TMEM132B: variants seen among roughly 807,000 people sequenced by gnomAD.
The protein encoded by TMEM132B is transmembrane protein 132B.
TMEM132B carries 18 observed loss-of-function variants against 90.8 expected under a neutral mutation model. That is an observed-to-expected ratio of 0.20 (90% CI 0.14 to 0.29). The LOEUF (loss-of-function observed/expected upper bound fraction) is 0.29. TMEM132B is among the 10% of genes least tolerant of loss of function. The probability of loss-of-function intolerance (pLI) is 1.00; values close to 1 mark genes in which losing one functional copy is unlikely to be tolerated. For synonymous variants in TMEM132B, 504 were observed against 523.3 expected, an observed-to-expected ratio of 0.96 and a Z score of 0.50; for missense variants, 1,096 against 1,326.8, an observed-to-expected ratio of 0.83 and a Z score of 2.70.
At chr12:125,648,525 C>A (rs1301074003) in intron 6 of TMEM132B, among the ~76,000 whole-genome samples, 1 of 134,182 alleles carries the variant, frequency 7.5e-6, no homozygotes, top group Non-Finnish European at 1.5e-5. Context: ...TGTATAAGAT[C>A]TCCTGTTTTT....
intron 3 of TMEM132B, among the ~76,000 whole-genome samples, chr12:125,419,330 G>A (rs915393655): frequency 1.3e-5 from 2 of 152,224 alleles, no homozygotes; most frequent in Non-Finnish European, 2.9e-5. Context: ...ATGGAGGAAA[G>A]AGGTTTCATT....
chr12:125,566,835 CTTTTTTTTTTTTTTT>C (rs869196346), intron 4 of TMEM132B, among the ~76,000 whole-genome samples: 2 of 78,738 alleles, frequency 2.5e-5, no homozygotes, highest in African/African-American at 6.1e-5. Context: ...TCTTCTTCTT[CTTTTTTTTTTTTTTT>C]TTTTTTTTTT....
chr12:125,341,409 G>A (rs1422061088), intron 1 of TMEM132B, among the ~76,000 whole-genome samples: 2 of 152,172 alleles, frequency 1.3e-5, no homozygotes, highest in African/African-American at 2.4e-5. Flanking sequence ...TGATGATAAC[G>A]ATTTTAATAC....
At chr12:125,516,852 G>A (rs1883173964) in intron 3 of TMEM132B, among the ~76,000 whole-genome samples, 1 of 152,210 alleles carries the variant, frequency 6.6e-6, no homozygotes, top group Non-Finnish European at 1.5e-5. Flanking sequence ...AAGAGAAATT[G>A]AAAATTTGGT....
chr12:125,307,420 C>T (rs1363440966), intron 1 of TMEM132B, among the ~76,000 whole-genome samples: 1 of 152,110 alleles, frequency 6.6e-6, no homozygotes, highest in African/African-American at 2.4e-5. Context: ...TTTTCTTAAC[C>T]TCTCTGTACT....
At chr12:125,305,814 CTGGCTGACGT>C (rs1875943657) in intron 1 of TMEM132B, among the ~76,000 whole-genome samples, 1 of 152,172 alleles carries the variant, frequency 6.6e-6, no homozygotes, top group Non-Finnish European at 1.5e-5. Flanking sequence ...TGCTTCCCAC[CTGGCTGACGT>C]TGAGTTTCCA....
At chr12:125,360,741 G>A (rs1423088161) in intron 2 of TMEM132B, among the ~76,000 whole-genome samples, 6 of 151,934 alleles carry the variant, frequency 3.9e-5, no homozygotes, top group Non-Finnish European at 5.9e-5. Flanking sequence ...GGCTGTGGAC[G>A]ATGGGCAGGT....
At chr12:125,372,596 T>C (rs1195114304) in intron 2 of TMEM132B, among the ~76,000 whole-genome samples, 1 of 152,188 alleles carries the variant, frequency 6.6e-6, no homozygotes. Context: ...GACACCCATT[T>C]TGCACTAGTT....
chr12:125,598,841 G>A (rs1472500789), intron 5 of TMEM132B, among the ~76,000 whole-genome samples: 1 of 152,120 alleles, frequency 6.6e-6, no homozygotes, highest in Non-Finnish European at 1.5e-5. Context: ...TAATAGAGGG[G>A]GTGTGCTGGT....
chr12:125,349,858 G>T lies in TMEM132B; in HGVS notation c.474G>T (p.Thr158=). Residue 158 remains threonine, a synonymous_variant, in exon 2 of 9, where the codon ACG becomes ACT. Transcript: ENST00000682704. This position sits in a 1 kb window ranked among gnomAD's most constrained non-coding sequence, Gnocchi z 4.1. ...TGMGWDDSDL[T]EDLPCVKMFA... is the part of the protein sequence containing the mutation. ...TGGGCTGGGATGACAGTGACCTTAC[G>T]GAAGATCTACCCTGTGTCAAGATGT... 6.2e-7 allele frequency: 1 copy of T among 1,613,868 alleles called. No individual in the cohort carries two copies. The highest frequency in any genetic ancestry group is 8.5e-7 in the Non-Finnish European group (1 of 1,179,936).
intron 1 of TMEM132B, among the ~76,000 whole-genome samples, chr12:125,202,350 C>T (rs1873081258): frequency 6.6e-6 from 1 of 152,242 alleles, no homozygotes; most frequent in Non-Finnish European, 1.5e-5. Flanking sequence ...GGCCAGGAAT[C>T]CAGGGACAGC....
intron 3 of TMEM132B, among the ~76,000 whole-genome samples, chr12:125,422,863 G>A (rs1271919424): frequency 1.3e-5 from 2 of 152,156 alleles, no homozygotes; most frequent in African/African-American, 2.4e-5. Flanking sequence ...TTGGATCTCT[G>A]GCTGCCAGAA....
At chr12:125,574,928 G>A (rs1884898700) in intron 4 of TMEM132B, among the ~76,000 whole-genome samples, 1 of 150,502 alleles carries the variant, frequency 6.6e-6, no homozygotes, top group African/African-American at 2.4e-5. Context: ...AGAATAACAT[G>A]GAATCTTTTG....
intron 5 of TMEM132B, among the ~76,000 whole-genome samples, chr12:125,637,680 C>G (rs554596107): frequency 2.0e-5 from 3 of 152,164 alleles, no homozygotes; most frequent in South Asian, 4.2e-4. Flanking sequence ...GGGAAAAGAG[C>G]CTGGGGTAAC....
chr12:125,310,109 G>A (rs1876088373), intron 1 of TMEM132B, among the ~76,000 whole-genome samples: 1 of 152,158 alleles, frequency 6.6e-6, no homozygotes, highest in Non-Finnish European at 1.5e-5. Context: ...TGCCTCACAA[G>A]GCCCATGGAG....
At chr12:125,366,849 C>T (rs1255963518) in intron 2 of TMEM132B, among the ~76,000 whole-genome samples, 1 of 152,156 alleles carries the variant, frequency 6.6e-6, no homozygotes, top group East Asian at 1.9e-4. Context: ...AGTCTCTGTT[C>T]ATTTTCTTCA....
intron 2 of TMEM132B, among the ~76,000 whole-genome samples, chr12:125,369,363 T>C (rs144071599): frequency 1.3e-5 from 2 of 152,226 alleles, no homozygotes. Flanking sequence ...GCAGCATGAT[T>C]TATAATCCTT....
At position 125,635,576 on chromosome 12, in the gene TMEM132B, A is replaced by G. The variant is rs566101703; in HGVS notation, c.1438-8500A>G. ...TTTGGGTTGGTTCCAAGTCTTTGCT[A>G]TTGTGAACAGTGCCACAGTAAACAC... is the stretch of plus-strand genomic sequence containing the variant. On this transcript the variant is annotated intron_variant, in intron 5 of 8. Transcript: ENST00000682704. 9.9e-5 allele frequency among the ~76,000 whole-genome samples: 15 copies of G among 152,274 alleles called. No homozygotes were observed. In the South Asian group the frequency reaches 2.9e-3, roughly 29 times the overall value.
At chr12:125,588,452 C>G (rs926162771) in intron 5 of TMEM132B, 5 of 152,244 alleles carry the variant, frequency 3.3e-5, no homozygotes, top group African/African-American at 1.2e-4. Context: ...ACCTCAGCCT[C>G]CCAAGCAGCT....
Sources: allele counts gnomAD v4.1 joint callset (sites outside exome capture counted in the v4.1 genomes callset), GRCh38; gene constraint gnomAD v4.1.1; non-coding constraint Gnocchi (gnomAD v3.1); transcripts MANE v1.5; gene names NCBI Gene and HGNC (gene_info 2026-07-23, HGNC 2026-07-21).